Variants in NTN4 observed in about 807,000 individuals in gnomAD.
NTN4 encodes the protein netrin-4.
NTN4 carries 32 observed loss-of-function variants against 73.6 expected under a neutral mutation model. The ratio of observed to expected loss-of-function variants is 0.44; its 90% CI spans 0.33 to 0.58. The LOEUF (loss-of-function observed/expected upper bound fraction) is 0.58. NTN4 is among the 20% of genes least tolerant of loss of function. The probability of loss-of-function intolerance (pLI) is 0.04; values close to 1 mark genes in which losing one functional copy is unlikely to be tolerated. For synonymous variants in NTN4, 258 were observed against 287.5 expected (o/e 0.90, Z 1.04); for missense variants, 654 against 798.3 (o/e 0.82, Z 2.18).
Position 95,787,340 on chromosome 12 carries a change from A to T in NTN4, c.184T>A (p.Cys62Ser). The T allele has an allele frequency of 6.2e-7, 1 of 1,614,244 alleles. No homozygotes were observed. Among genetic ancestry groups the T allele is most frequent in the Non-Finnish European group, 8.5e-7 (1 of 1,180,040 alleles). ...AGATCCGTGTTCTCACTGTAGAAGC[A>T]GTACAGTTCGGTAGCATTCTGACCG... The part of the protein sequence containing the change: ...TCGQNATELY[C>S]FYSENTDLTC... The change falls in exon 2 of 10, where the codon TGC becomes AGC. Residue 62 changes from cysteine to serine, a missense_variant. Transcript: ENST00000343702.
In NTN4 at chr12:95,735,949, ATTTT is replaced by A. The variant is rs869136440; in HGVS notation, c.864+1913_864+1916del. Among the ~76,000 whole-genome samples the A allele has an allele frequency of 7.8e-4, 107 of 137,072 alleles. No individual in the cohort carries two copies. The Middle Eastern group carries it at 0.015, about 19-fold the overall frequency. 89.9% of individuals were successfully genotyped at this position (137,072 alleles called of 152,430 possible). The stretch of plus-strand genomic sequence containing the variant: ...TATTTATTTATTTATTTATTTATTT[ATTTT>A]TTTGAGACAGAGTCTTGCTTTGTCA... On this transcript the variant is annotated intron_variant, in intron 3 of 9. Transcript: ENST00000343702.
At chr12:95,660,035 A>G (rs1049830842) in intron 9 of NTN4, among the ~76,000 whole-genome samples, 1 of 151,220 alleles carries the variant, frequency 6.6e-6, no homozygotes, top group Admixed American at 6.6e-5. Context: ...TTGATTTTGG[A>G]TGGAATCTCG....
In NTN4 at chr12:95,761,113, A is replaced by G. The variant is rs78178844; in HGVS notation, c.586-22969T>C. Among the ~76,000 whole-genome samples the G allele has an allele frequency of 2.4e-3, 358 of 152,288 alleles. 1 individual carries two copies. Among genetic ancestry groups the G allele is most frequent in the African/African-American group, 8.3e-3 (344 of 41,566 alleles). On this transcript the variant is annotated intron_variant, in intron 2 of 9. Coordinates refer to ENST00000343702, the MANE Select transcript of NTN4 (RefSeq NM_021229.4). ...TTTACCCCTGAAGTAAATGAAAATT[A>G]CAACAGCTCTGGGTAGATATTTCAC...
At chr12:95,782,489 G>C (rs1457314812) in intron 2 of NTN4, among the ~76,000 whole-genome samples, 1 of 151,848 alleles carries the variant, frequency 6.6e-6, no homozygotes, top group Non-Finnish European at 1.5e-5. Flanking sequence ...GCAGAGACAG[G>C]GTTTCACCAT....
At chr12:95,695,246 G>A (rs889293503) in intron 5 of NTN4, among the ~76,000 whole-genome samples, 1 of 152,148 alleles carries the variant, frequency 6.6e-6, no homozygotes, top group Non-Finnish European at 1.5e-5. Flanking sequence ...CAAAAGAGGG[G>A]TAGGATGCAT....
chr12:95,754,055 A>G (rs1238727061), intron 2 of NTN4, among the ~76,000 whole-genome samples: 1 of 152,216 alleles, frequency 6.6e-6, no homozygotes, highest in African/African-American at 2.4e-5. Flanking sequence ...CTCCTGAAGT[A>G]AACAAACAAT....
At position 95,657,929 on chromosome 12, in the gene NTN4, A is replaced by T. The variant is rs1200057647; in HGVS notation, c.*1157T>A. Reference sequence around the variant, plus strand: ...AAAGGTTCTGTATGTGAAATTATTCATATGGCACTGTGTTCATGTTTTGTA... The same window carrying T: ...AAAGGTTCTGTATGTGAAATTATTCTTATGGCACTGTGTTCATGTTTTGTA... On this transcript the variant is annotated 3_prime_UTR_variant, in exon 10 of 10. Transcript: ENST00000343702. 2 of 152,634 alleles carry T rather than the reference A, an allele frequency of 1.3e-5. No homozygotes were observed. The highest frequency in any genetic ancestry group is 2.9e-5 in the Non-Finnish European group (2 of 68,030). 9.5% of individuals were successfully genotyped at this position (152,634 alleles called of 1,614,324 possible).
chr12:95,732,501 C>A (rs2078745868), intron 3 of NTN4, among the ~76,000 whole-genome samples: 1 of 149,572 alleles, frequency 6.7e-6, no homozygotes, highest in Non-Finnish European at 1.5e-5. Context: ...CCTCCTGCGT[C>A]CAAGCGATTC....
At position 95,787,183 on chromosome 12, in the gene NTN4, C is replaced by T; in HGVS notation, c.341G>A (p.Arg114Lys). 1.2e-6 allele frequency: 2 copies of T among 1,614,246 alleles called. No individual in the cohort carries two copies. Among genetic ancestry groups the T allele is most frequent in the Non-Finnish European group, 1.7e-6 (2 of 1,180,042 alleles). ...TTCCAGGTCTAACTGGATCTTTTCT[C>T]TGTGCACATCCTCCGCAGACTGCCA... The part of the protein sequence containing the change: ...TWWQSAEDVH[R>K]EKIQLDLEAE... The change falls in exon 2 of 10, where the codon AGA becomes AAA. Residue 114 changes from arginine to lysine, a missense_variant. Arg to Lys is a conservative substitution (Grantham distance 26, BLOSUM62 2). Coordinates refer to ENST00000343702, the MANE Select transcript of NTN4 (RefSeq NM_021229.4).
intron 2 of NTN4, among the ~76,000 whole-genome samples, chr12:95,767,539 C>G (rs538030293): frequency 9.8e-5 from 15 of 152,292 alleles, no homozygotes; most frequent in South Asian, 6.2e-4. Flanking sequence ...AAGTAACAAG[C>G]TTGGCCATTT....
intron 2 of NTN4, among the ~76,000 whole-genome samples, chr12:95,754,322 C>T (rs535359551): frequency 2.7e-3 from 144 of 52,658 alleles, no homozygotes; most frequent in Non-Finnish European, 1.3e-3. Flanking sequence ...GTTCCCACGC[C>T]GCCCCTAATC....
chr12:95,667,894 A>ATAAAT (rs2078194932), intron 8 of NTN4, among the ~76,000 whole-genome samples: 1 of 151,736 alleles, frequency 6.6e-6, no homozygotes, highest in Non-Finnish European at 1.5e-5. Context: ...AAATAAATAA[A>ATAAAT]ACAAATAAAT....
chr12:95,723,668 C>T (rs1383143029), intron 3 of NTN4, among the ~76,000 whole-genome samples: 1 of 151,620 alleles, frequency 6.6e-6, no homozygotes, highest in Non-Finnish European at 1.5e-5. Context: ...GGCGCCACCA[C>T]ACCCGGCTAA....
intron 2 of NTN4, among the ~76,000 whole-genome samples, chr12:95,774,965 C>A (rs2079081354): frequency 1.3e-5 from 2 of 152,168 alleles, no homozygotes; most frequent in South Asian, 4.2e-4. Flanking sequence ...TAGCACTGGG[C>A]TAGAAGTCAG....
chr12:95,727,636 ACTCT>A (rs2078704777), intron 3 of NTN4, among the ~76,000 whole-genome samples: 1 of 151,980 alleles, frequency 6.6e-6, no homozygotes, highest in Admixed American at 6.6e-5. Flanking sequence ...TTATTTCTGA[ACTCT>A]CTCTCCCATT....
At chr12:95,698,262 C>T (rs2078456914) in intron 5 of NTN4, among the ~76,000 whole-genome samples, 1 of 152,152 alleles carries the variant, frequency 6.6e-6, no homozygotes, top group Non-Finnish European at 1.5e-5. Context: ...TATAACTTAG[C>T]ACATAAACAT....
In NTN4 at chr12:95,781,271, G is replaced by A. The variant is rs957625904; in HGVS notation, c.585+5668C>T. 1.3e-5 allele frequency among the ~76,000 whole-genome samples: 2 copies of A among 151,954 alleles called. No homozygotes were observed. Among genetic ancestry groups the A allele is most frequent in the African/African-American group, 4.8e-5 (2 of 41,364 alleles). On this transcript the variant is annotated intron_variant, in intron 2 of 9. Transcript: ENST00000343702. This position sits in a 1 kb window ranked among gnomAD's most constrained non-coding sequence, Gnocchi z 4.1. ...TACATATGTAACAAACCTGCACGTT[G>A]TGCACATGTACCCTAGAACTTAAAG... is the stretch of plus-strand genomic sequence containing the variant.
At chr12:95,761,019 A>G (rs2078983111) in intron 2 of NTN4, among the ~76,000 whole-genome samples, 1 of 152,124 alleles carries the variant, frequency 6.6e-6, no homozygotes. Context: ...CTTCCTATAT[A>G]GTTTGTTGTA....
At chr12:95,764,345 A>G (rs200398853) in intron 2 of NTN4, among the ~76,000 whole-genome samples, 4 of 152,292 alleles carry the variant, frequency 2.6e-5, no homozygotes, top group East Asian at 3.9e-4. Context: ...AGAAGTAGCT[A>G]ACTGCTTTAT....
Sources: allele counts gnomAD v4.1 joint callset (sites outside exome capture counted in the v4.1 genomes callset), GRCh38; gene constraint gnomAD v4.1.1; non-coding constraint Gnocchi (gnomAD v3.1); transcripts MANE v1.5; gene names NCBI Gene and HGNC (gene_info 2026-07-23, HGNC 2026-07-21).